Variants in ZCCHC4 observed in about 807,000 individuals in gnomAD.
ZCCHC4 encodes zinc finger CCHC-type containing 4, also known as rRNA N(6)-adenosine-methyltransferase ZCCHC4.
A neutral mutation model predicts 67.7 loss-of-function variants in ZCCHC4; 54 were observed. The ratio of observed to expected loss-of-function variants is 0.80; its 90% CI spans 0.64 to 1.00. The LOEUF (loss-of-function observed/expected upper bound fraction) is 1.00. ZCCHC4 is among the 50% of genes least tolerant of loss of function. The pLI is 0.00. For synonymous variants in ZCCHC4, 198 were observed against 213.5 expected (o/e 0.93, Z 0.63); for missense variants, 609 against 617.0 (o/e 0.99, Z 0.14).
At chr4:25,340,907 C>T (rs1182071513) in intron 5 of ZCCHC4, among the ~76,000 whole-genome samples, 11 of 152,100 alleles carry the variant, frequency 7.2e-5, no homozygotes, top group African/African-American at 1.7e-4. Context: ...CCTCTGCCAC[C>T]GCTCCTCTTC....
At chr4:25,355,968 CT>C (rs1328006046) in intron 8 of ZCCHC4, among the ~76,000 whole-genome samples, 6 of 152,278 alleles carry the variant, frequency 3.9e-5, no homozygotes, top group Non-Finnish European at 8.8e-5. Context: ...TGCAAGTACT[CT>C]GTCTTATTTA....
At position 25,333,292 on chromosome 4, in the gene ZCCHC4, G is replaced by C. The variant is rs1173746288; in HGVS notation, c.439G>C (p.Gly147Arg). 4 of 1,614,034 alleles carry C rather than the reference G, an allele frequency of 2.5e-6. No homozygotes were observed. Among genetic ancestry groups the C allele is most frequent in the South Asian group, 1.1e-5 (1 of 91,080 alleles). ...WGQHSEHQVL[G>R]NVSITQLRRP... Reference sequence around the variant, plus strand: ...GCAACATAGTGAGCATCAGGTTCTGGGTAATGTGTCCATTACCCAGTTAAG... The same window carrying C: ...GCAACATAGTGAGCATCAGGTTCTGCGTAATGTGTCCATTACCCAGTTAAG... Residue 147 changes from glycine to arginine, a missense_variant, in exon 4 of 13, where the codon GGT becomes CGT. Transcript: ENST00000302874.
chr4:25,366,097 A>G, intron 12 of ZCCHC4: 2 of 974,786 alleles, frequency 2.1e-6, no homozygotes, highest in Non-Finnish European at 1.2e-6. Flanking sequence ...TAGTTTAATA[A>G]TTATTTATGG....
At chr4:25,334,224 G>T (rs1275243617) in intron 5 of ZCCHC4, among the ~76,000 whole-genome samples, 1 of 152,134 alleles carries the variant, frequency 6.6e-6, no homozygotes, top group Non-Finnish European at 1.5e-5. Flanking sequence ...TGTGAATGTG[G>T]CTAGTTCGTC....
chr4:25,334,077 A>G (rs1560404915), intron 5 of ZCCHC4, 89 bp downstream of exon 5: 3 of 796,526 alleles, frequency 3.8e-6, no homozygotes, highest in South Asian at 6.1e-5. Context: ...CTCTGTTACA[A>G]CTCTTTAGTT....
chr4:25,325,296 TCA>T, intron 3 of ZCCHC4, among the ~76,000 whole-genome samples: 1 of 141,674 alleles, frequency 7.1e-6, no homozygotes. Flanking sequence ...GGTCGTCTTT[TCA>T]CTCTCTCTTT....
Position 25,359,560 on chromosome 4 carries a change from G to C in ZCCHC4, c.1012-2299G>C, listed in dbSNP as rs775861143. Among the ~76,000 whole-genome samples the C allele has an allele frequency of 5.9e-5, 9 of 152,208 alleles. No homozygotes were observed. The highest frequency in any genetic ancestry group is 2.2e-4 in the African/African-American group (9 of 41,450). On this transcript the variant is annotated intron_variant, in intron 8 of 12. Coordinates refer to ENST00000302874, the MANE Select transcript of ZCCHC4 (RefSeq NM_024936.3). The surrounding 1 kb of genome is among the most constrained non-coding windows in gnomAD (Gnocchi z 4.9). ...CAAGGGGTCCGTGCCACAAAGAAGG[G>C]AAAGATGCCCCACCTGCAGGGGTGC...
intron 3 of ZCCHC4, among the ~76,000 whole-genome samples, chr4:25,317,200 T>C (rs760508403): frequency 1.3e-5 from 2 of 152,168 alleles, no homozygotes; most frequent in Non-Finnish European, 2.9e-5. Flanking sequence ...TTCAGAAAGA[T>C]TGTGAGGCCT....
At chr4:25,358,267 T>C (rs1296630061) in intron 8 of ZCCHC4, among the ~76,000 whole-genome samples, 1 of 152,212 alleles carries the variant, frequency 6.6e-6, no homozygotes, top group Non-Finnish European at 1.5e-5. Context: ...ATGCCAGGCC[T>C]TGAATAGTGT....
chr4:25,352,181 T>A, intron 8 of ZCCHC4: 1 of 985,602 alleles, frequency 1.0e-6, no homozygotes, highest in Non-Finnish European at 1.2e-6. Flanking sequence ...GATGGCTCTG[T>A]GTGAATGTGT....
At chr4:25,357,353 A>G (rs1288172186) in intron 8 of ZCCHC4, among the ~76,000 whole-genome samples, 1 of 152,234 alleles carries the variant, frequency 6.6e-6, no homozygotes, top group Non-Finnish European at 1.5e-5. Context: ...TTCAAATGTG[A>G]TCTAACCTGA....
chr4:25,322,944 C>A (rs552897568), intron 3 of ZCCHC4, among the ~76,000 whole-genome samples: 2 of 152,330 alleles, frequency 1.3e-5, no homozygotes, highest in African/African-American at 4.8e-5. Context: ...AATCAACACT[C>A]CTGTTTCCAC....
chr4:25,341,737 T>A (rs1719764697), intron 5 of ZCCHC4, among the ~76,000 whole-genome samples: 1 of 152,246 alleles, frequency 6.6e-6, no homozygotes, highest in South Asian at 2.1e-4. Context: ...AGGTCAACTG[T>A]ACATATAACA....
rs555498161 is a variant in ZCCHC4 at position 25,325,175 on chromosome 4, C to T, written c.330-8008C>T. Among the ~76,000 whole-genome samples, 20 of 104,428 alleles carry T rather than the reference C, an allele frequency of 1.9e-4. 3 individuals are homozygous for T. The highest frequency in any genetic ancestry group is 3.3e-4 in the Non-Finnish European group (16 of 48,742). The allele number at this position is 104,428 out of a possible 152,430, so 68.5% of individuals were successfully genotyped here. ...GGAGAATGGCGTGAATCCCGGGAGG[C>T]GGAGCCTGCAGTGAGCCGAGATCTC... On this transcript the variant is annotated intron_variant, in intron 3 of 12. Transcript: ENST00000302874.
intron 5 of ZCCHC4, among the ~76,000 whole-genome samples, chr4:25,345,082 T>G (rs992311321): frequency 1.2e-4 from 18 of 152,040 alleles, no homozygotes; most frequent in African/African-American, 4.4e-4. Flanking sequence ...GAATTACAGG[T>G]GTGAGCCACT....
At chr4:25,365,345 T>C (rs1300599383) in intron 12 of ZCCHC4, 179 bp downstream of exon 12, 4 of 1,402,612 alleles carry the variant, frequency 2.9e-6, no homozygotes, top group Non-Finnish European at 3.7e-6. Context: ...AAGAGCTTGC[T>C]TTCAAAGAGC....
In ZCCHC4 at chr4:25,318,289, G is replaced by A. The variant is rs75872049; in HGVS notation, c.329+2889G>A. ...AAAATCTAGGTGATCTTATTTTTATGCATAGTAAAATTTTAGTTTGGAGCT... is the reference window on the plus strand; with the variant it reads ...AAAATCTAGGTGATCTTATTTTTATACATAGTAAAATTTTAGTTTGGAGCT... On this transcript the variant is annotated intron_variant, in intron 3 of 12. Transcript: ENST00000302874. Among the ~76,000 whole-genome samples the A allele has an allele frequency of 5.9e-3, 826 of 139,938 alleles. 9 individuals are homozygous for A. The highest frequency in any genetic ancestry group is 0.02 in the African/African-American group (770 of 38,088). 91.8% of individuals were successfully genotyped at this position (139,938 alleles called of 152,430 possible). A position where few individuals can be genotyped will look rare whatever the true frequency, so the allele number is the denominator to read the frequency against.
intron 12 of ZCCHC4, chr4:25,365,883 C>T (rs1720921259): frequency 3.0e-6 from 3 of 984,970 alleles, no homozygotes; most frequent in African/African-American, 3.5e-5. Flanking sequence ...TACTTTTTTC[C>T]TAACTAAAAG....
chr4:25,362,125 C>A, intron 9 of ZCCHC4, 101 bp from the exon 10 acceptor site: 1 of 1,437,728 alleles, frequency 7.0e-7, no homozygotes, highest in Non-Finnish European at 9.5e-7. Context: ...TAATTGAATT[C>A]AGATTGCACC....
Sources: gnomAD v4.1 joint callset for allele counts (sites outside exome capture counted in the v4.1 genomes callset) on GRCh38, gnomAD v4.1.1 for gene constraint, Gnocchi (gnomAD v3.1) non-coding constraint, MANE v1.5 for transcripts, NCBI Gene and HGNC (gene_info 2026-07-23, HGNC 2026-07-21) for gene names.